Variants in KCNMB3 observed in about 807,000 individuals in gnomAD.
KCNMB3 encodes the protein potassium calcium-activated channel subfamily M regulatory beta subunit 3, also known as calcium-activated potassium channel subunit beta-3.
A neutral mutation model predicts 11.9 loss-of-function variants in KCNMB3; 18 were observed. The ratio of observed to expected loss-of-function variants is 1.51; its 90% CI spans 1.04 to 2.23. KCNMB3 has a LOEUF of 2.23. KCNMB3 is among the 30% of genes most tolerant of loss of function. The pLI, the probability that KCNMB3 is intolerant of heterozygous loss-of-function variation, is 0.00. For synonymous variants in KCNMB3, 78 were observed against 119.2 expected, an observed-to-expected ratio of 0.65 and a Z score of 2.25; for missense variants, 247 against 329.4, an observed-to-expected ratio of 0.75 and a Z score of 1.94.
chr3:179,257,050 G>A (rs1726032901), intron 1 of KCNMB3, among the ~76,000 whole-genome samples: 1 of 152,096 alleles, frequency 6.6e-6, no homozygotes, highest in African/African-American at 2.4e-5. Flanking sequence ...TATAGTCCTA[G>A]CTACTCAGGA....
At position 179,258,912 on chromosome 3, in the gene KCNMB3, C is replaced by T. The variant is rs368926867; in HGVS notation, c.62+7737G>A. The T allele has an allele frequency of 1.1e-5, 18 of 1,608,140 alleles. No homozygotes were observed. In the African/African-American group the frequency reaches 2.1e-4, roughly 19 times the overall value. ...AGTAGATCACCTGGTGATTGGCATA[C>T]AGTGCATCTCTATGAATTTAGAACA... On this transcript the variant is annotated intron_variant, in intron 1 of 3. Transcript: ENST00000349697.
chr3:179,255,735 A>G (rs1725991211), upstream of KCNMB3, among the ~76,000 whole-genome samples: 1 of 152,228 alleles, frequency 6.6e-6, no homozygotes, highest in Non-Finnish European at 1.5e-5. Flanking sequence ...GAATAAAATA[A>G]AGAGGAACCC....
upstream of KCNMB3, among the ~76,000 whole-genome samples, chr3:179,252,725 C>A (rs1278329824): frequency 6.7e-6 from 1 of 150,364 alleles, no homozygotes; most frequent in Non-Finnish European, 1.5e-5. Context: ...GAAATTTGAA[C>A]CTGTACTTTT....
At chr3:179,251,550 C>G (rs1725843966), upstream of KCNMB3, 1 of 1,332,156 alleles carries the variant, frequency 7.5e-7, no homozygotes, top group Admixed American at 3.5e-5. Context: ...TTCATTTCTT[C>G]TCTCCTCTCT....
At chr3:179,266,928 C>T in exon 1 of KCNMB3, 1 of 1,406,266 alleles carries the variant, frequency 7.1e-7, no homozygotes, top group Non-Finnish European at 9.2e-7. Context: ...CAAGGCGGAG[C>T]GGTCAGTTCT....
intron 1 of KCNMB3, among the ~76,000 whole-genome samples, chr3:179,265,294 AC>A (rs1025074588): frequency 1.3e-5 from 2 of 151,962 alleles, no homozygotes; most frequent in Non-Finnish European, 2.9e-5. Flanking sequence ...CCTCTCAAAT[AC>A]CCCTGAGTGC....
At position 179,250,843 on chromosome 3, in the gene KCNMB3, C is replaced by T. The variant is rs1725814829; in HGVS notation, c.148G>A (p.Gly50Arg). The change falls in exon 1 of 3, where the codon GGA becomes AGA. Residue 50 changes from glycine to arginine, a missense_variant. Gly to Arg is a moderately radical substitution (Grantham distance 125). Coordinates refer to ENST00000392685, the MANE Select transcript of KCNMB3 (RefSeq NM_171830.2). ...DVHKRLPSSA[G>R]EDRAVMLGFA... is the part of the protein sequence containing the mutation. ...CCCAGCATCACGGCTCGGTCCTCTC[C>T]AGCACTGGATGGCAGCCTCTTGTGC... 1 of 1,614,182 alleles carries T rather than the reference C, an allele frequency of 6.2e-7. No individual in the cohort carries two copies. Among genetic ancestry groups the T allele is most frequent in the Non-Finnish European group, 8.5e-7 (1 of 1,180,016 alleles).
chr3:179,266,383 C>G (rs761299885), intron 1 of KCNMB3, among the ~76,000 whole-genome samples: 3 of 152,178 alleles, frequency 2.0e-5, no homozygotes, highest in African/African-American at 7.2e-5. Context: ...GGGCTATGAT[C>G]AGTGCTGGGG....
chr3:179,257,117 T>C (rs1726035319), intron 1 of KCNMB3, among the ~76,000 whole-genome samples: 1 of 152,174 alleles, frequency 6.6e-6, no homozygotes, highest in Admixed American at 6.5e-5. Context: ...TAAGCTTGAT[T>C]GTGCCACTGC....
upstream of KCNMB3, among the ~76,000 whole-genome samples, chr3:179,256,257 G>A (rs181200821): frequency 2.6e-5 from 4 of 152,178 alleles, no homozygotes; most frequent in African/African-American, 4.8e-5. Flanking sequence ...CCAACATGGC[G>A]AAACCCCATC....
At chr3:179,242,660 GA>G (rs1169799934), downstream of KCNMB3, 13 of 544,560 alleles carry the variant, frequency 2.4e-5, no homozygotes, top group Non-Finnish European at 2.2e-5. Context: ...TGCTATACAG[GA>G]AAAAAAACAG....
At chr3:179,265,279 T>C (rs1726341557) in intron 1 of KCNMB3, among the ~76,000 whole-genome samples, 1 of 152,208 alleles carries the variant, frequency 6.6e-6, no homozygotes. Context: ...ACTCTCCTCA[T>C]GCTCCCTCTC....
chr3:179,257,146 G>A (rs971555316), intron 1 of KCNMB3, among the ~76,000 whole-genome samples: 20 of 152,140 alleles, frequency 1.3e-4, no homozygotes, highest in African/African-American at 4.6e-4. Context: ...CTCAGTGATA[G>A]GTGAGACCCT....
chr3:179,260,726 TC>T, intron 1 of KCNMB3: 1 of 1,434,364 alleles, frequency 7.0e-7, no homozygotes, highest in Non-Finnish European at 9.8e-7. Context: ...CTTCAGGGCC[TC>T]CTTGACTTCA....
At chr3:179,243,423 A>G (rs1725529700) in intron 2 of KCNMB3, 139 bp from the exon 3 acceptor site, 5 of 612,888 alleles carry the variant, frequency 8.2e-6, no homozygotes, top group African/African-American at 1.9e-5. Context: ...AATATTACAT[A>G]GCTCATGGGA....
upstream of KCNMB3, among the ~76,000 whole-genome samples, chr3:179,253,618 CA>C (rs1328710942): frequency 1.3e-5 from 2 of 152,008 alleles, no homozygotes; most frequent in African/African-American, 4.8e-5. Flanking sequence ...CCAGCCTGAC[CA>C]ACATGGTGAA....
chr3:179,266,770 A>G lies in KCNMB3; in HGVS notation c.-60T>C, dbSNP rs561986398. The G allele has an allele frequency of 8.4e-5, 135 of 1,602,654 alleles. 1 individual carries two copies. The African/African-American group carries it at 1.6e-3, about 19-fold the overall frequency. ...CCTGAGTCATGCCCCTGCGGGCGCA[A>G]GAAAGGTGAAGCTTAGACATCCACG... is the stretch of plus-strand genomic sequence containing the variant. On this transcript the variant is annotated 5_prime_UTR_variant, in exon 1 of 4. Transcript: ENST00000349697.
intron 1 of KCNMB3, chr3:179,259,959 C>T: frequency 6.2e-7 from 1 of 1,613,090 alleles, no homozygotes; most frequent in Non-Finnish European, 8.5e-7. Context: ...GTGATCCCTA[C>T]CTGCTTCTGT....
At chr3:179,251,297 A>T, upstream of KCNMB3, 1 of 1,447,890 alleles carries the variant, frequency 6.9e-7, no homozygotes, top group Non-Finnish European at 9.0e-7. Context: ...ATTTGTTTAC[A>T]TTCTCCTTTG....
Sources: gnomAD v4.1 joint callset for allele counts (sites outside exome capture counted in the v4.1 genomes callset) on GRCh38, gnomAD v4.1.1 for gene constraint, MANE v1.5 for transcripts, NCBI Gene and HGNC (gene_info 2026-07-23, HGNC 2026-07-21) for gene names.